Variants in FER observed in about 807,000 individuals in gnomAD.
FER encodes the protein tyrosine-protein kinase Fer.
In FER, 63 loss-of-function variants were observed where a neutral mutation model predicts 111.0. That is an observed-to-expected ratio of 0.57 (90% CI 0.46 to 0.70). The LOEUF is 0.70. Among genes scored for constraint, FER ranks in the 30% least tolerant of loss-of-function variants. The pLI is 0.00. For synonymous variants in FER, 327 were observed against 313.9 expected (o/e 1.04, Z -0.44); for missense variants, 914 against 954.0 (o/e 0.96, Z 0.55).
At chr5:108,982,185 C>G (rs1762081252) in intron 13 of FER, among the ~76,000 whole-genome samples, 1 of 152,022 alleles carries the variant, frequency 6.6e-6, no homozygotes, top group South Asian at 2.1e-4. Context: ...TTTAATGACA[C>G]TTCTAGGTGA....
At chr5:109,066,659 T>A (rs1464282184) in intron 16 of FER, among the ~76,000 whole-genome samples, 1 of 152,222 alleles carries the variant, frequency 6.6e-6, no homozygotes, top group Non-Finnish European at 1.5e-5. Flanking sequence ...TTTAAGTGAC[T>A]GAAACCTAGA....
intron 3 of FER, among the ~76,000 whole-genome samples, chr5:108,806,970 G>A (rs1757273325): frequency 6.6e-6 from 1 of 152,068 alleles, no homozygotes. Flanking sequence ...GGAATGATAT[G>A]GTTTAGCTGT....
chr5:109,115,111 T>A (rs1750070457), intron 17 of FER, among the ~76,000 whole-genome samples: 1 of 152,146 alleles, frequency 6.6e-6, no homozygotes, highest in African/African-American at 2.4e-5. Context: ...ATAAAAGTAA[T>A]TATTTTATTT....
chr5:108,999,071 T>C (rs1292238242), intron 13 of FER, among the ~76,000 whole-genome samples: 1 of 152,196 alleles, frequency 6.6e-6, no homozygotes, highest in Admixed American at 6.5e-5. Flanking sequence ...CTGTTCTTGC[T>C]TTAGTTTTTT....
chr5:108,863,682 T>C (rs1396547015), intron 5 of FER, among the ~76,000 whole-genome samples: 1 of 152,124 alleles, frequency 6.6e-6, no homozygotes, highest in African/African-American at 2.4e-5. Context: ...TTATTTTAAC[T>C]GAGGCAAAAA....
chr5:108,908,890 T>C lies in FER; in HGVS notation c.1236+11042T>C, dbSNP rs1408093390. On this transcript the variant is annotated intron_variant, in intron 10 of 19. Transcript: ENST00000281092. ...CCTGTATCTACAAAAAGTAAAAAAT[T>C]AGCTGGGTGTGGTGGCACGTGCCTG... Among the ~76,000 whole-genome samples, 4 of 151,874 alleles carry C rather than the reference T, an allele frequency of 2.6e-5. No homozygotes were observed. In the East Asian group the frequency reaches 5.8e-4, roughly 22 times the overall value.
intron 4 of FER, 31 bp from the exon 5 acceptor site, chr5:108,835,677 A>T: frequency 7.4e-7 from 1 of 1,350,592 alleles, no homozygotes; most frequent in Non-Finnish European, 1.0e-6. Flanking sequence ...TAAACAATTT[A>T]ATACATTTAT....
At chr5:109,077,708 C>A (rs1776502477) in intron 16 of FER, among the ~76,000 whole-genome samples, 1 of 152,114 alleles carries the variant, frequency 6.6e-6, no homozygotes, top group South Asian at 2.1e-4. Context: ...TAGCTGGTAA[C>A]CACTATGTGT....
At chr5:108,888,664 T>C (rs933046388) in intron 9 of FER, among the ~76,000 whole-genome samples, 14 of 151,900 alleles carry the variant, frequency 9.2e-5, no homozygotes, top group African/African-American at 3.4e-4. Context: ...GTATTGCTTG[T>C]TTGCTCAATG....
intron 14 of FER, among the ~76,000 whole-genome samples, chr5:109,042,051 T>C (rs1342240160): frequency 1.3e-5 from 2 of 152,186 alleles, no homozygotes; most frequent in Admixed American, 6.5e-5. Flanking sequence ...GAAAATATAA[T>C]TTTGATGATG....
Position 108,932,657 on chromosome 5 carries a change from C to T in FER, c.1237-13473C>T, listed in dbSNP as rs182383858. Among the ~76,000 whole-genome samples, 288 of 152,264 alleles carry T rather than the reference C, an allele frequency of 1.9e-3. 1 individual carries two copies. The highest frequency in any genetic ancestry group is 6.6e-3 in the African/African-American group (273 of 41,556). ...CCACCAACAGTGGAGAAACGTGTTC[C>T]TGTTTCTCTACATCCTCTCCAGCAT... On this transcript the variant is annotated intron_variant, in intron 10 of 19. Coordinates refer to ENST00000281092, the MANE Select transcript of FER (RefSeq NM_005246.4).
chr5:108,859,605 C>T (rs1763317108), intron 5 of FER, among the ~76,000 whole-genome samples: 2 of 152,190 alleles, frequency 1.3e-5, no homozygotes, highest in South Asian at 4.2e-4. Flanking sequence ...ATCCCAGCTA[C>T]CCAGAACTCC....
chr5:108,756,251 A>G (rs1426913449), intron 1 of FER, among the ~76,000 whole-genome samples: 4 of 152,016 alleles, frequency 2.6e-5, no homozygotes, highest in East Asian at 1.9e-4. Context: ...TTAGAATTAC[A>G]TGCTTTCTAT....
chr5:109,027,836 C>G (rs1768976184), intron 13 of FER, among the ~76,000 whole-genome samples: 1 of 152,048 alleles, frequency 6.6e-6, no homozygotes, highest in South Asian at 2.1e-4. Context: ...AGGCAAAATT[C>G]TAAGATTTAG....
intron 16 of FER, among the ~76,000 whole-genome samples, chr5:109,059,810 T>A (rs1774147922): frequency 6.6e-6 from 1 of 152,176 alleles, no homozygotes; most frequent in Non-Finnish European, 1.5e-5. Flanking sequence ...TCATATGACC[T>A]AAGAATTCCA....
Position 108,897,768 on chromosome 5 carries a change from C to G in FER, c.1156C>G (p.Gln386Glu), listed in dbSNP as rs1280585665. Reference protein sequence around the residue: ...KFSAQKELLEQKVQENDGKEP... With the variant: ...KFSAQKELLEEKVQENDGKEP... ...TTCAGCACAGAAGGAATTACTAGAG[C>G]AAAAAGTGCAAGAAAATGATGGGAA... Residue 386 changes from glutamine to glutamate, a missense_variant, in exon 10 of 20, where the codon CAA becomes GAA. Gln to Glu is a conservative substitution (Grantham distance 29). Coordinates refer to ENST00000281092, the MANE Select transcript of FER (RefSeq NM_005246.4). The G allele has an allele frequency of 6.2e-7, 1 of 1,613,234 alleles. No homozygotes were observed.
intron 17 of FER, among the ~76,000 whole-genome samples, chr5:109,149,279 C>T (rs915079254): frequency 6.6e-6 from 1 of 152,080 alleles, no homozygotes; most frequent in Non-Finnish European, 1.5e-5. Context: ...ACAAAGAGTA[C>T]AAGACTAAGA....
chr5:109,159,760 T>C lies in FER; in HGVS notation c.2049-20987T>C, dbSNP rs75721504. Among the ~76,000 whole-genome samples the C allele has an allele frequency of 8.2e-3, 1,253 of 152,308 alleles. 13 individuals carry two copies. The highest frequency in any genetic ancestry group is 0.029 in the African/African-American group (1,213 of 41,572). ...CAGGAACATTTGAAGGTCAAAATTA[T>C]GAATGCAGAGGCACAGACTAGAGTC... On this transcript the variant is annotated intron_variant, in intron 17 of 19. Coordinates refer to ENST00000281092, the MANE Select transcript of FER (RefSeq NM_005246.4).
intron 16 of FER, among the ~76,000 whole-genome samples, chr5:109,094,282 C>G (rs1199663849): frequency 2.6e-5 from 4 of 151,484 alleles, no homozygotes; most frequent in Non-Finnish European, 5.9e-5. Flanking sequence ...CAATCATAAG[C>G]ATTATTTCAG....
Sources: allele counts gnomAD v4.1 joint callset (sites outside exome capture counted in the v4.1 genomes callset), GRCh38; gene constraint gnomAD v4.1.1; transcripts MANE v1.5; gene names NCBI Gene and HGNC (gene_info 2026-07-23, HGNC 2026-07-21).